AGRN: variants seen among roughly 807,000 people sequenced by gnomAD.
AGRN encodes the protein agrin.
In AGRN, 106 loss-of-function variants were observed where a neutral mutation model predicts 211.0. The observed-to-expected ratio is 0.50, with a 90% CI of 0.43 to 0.59. The LOEUF (loss-of-function observed/expected upper bound fraction) is 0.59. Among genes scored for constraint, AGRN ranks in the 20% least tolerant of loss-of-function variants. AGRN has a pLI of 0.00. For synonymous variants in AGRN, 1,525 were observed against 1,332.5 expected (o/e 1.14, Z -3.15); for missense variants, 3,040 against 2,982.6 (o/e 1.02, Z -0.45).
intron 2 of AGRN, among the ~76,000 whole-genome samples, chr1:1,024,339 C>T (rs1378935555): frequency 1.3e-5 from 2 of 152,024 alleles, no homozygotes; most frequent in Admixed American, 6.5e-5. Flanking sequence ...GGTCCATCTC[C>T]TGCTCTGTAG....
chr1:1,045,782 G>A lies in AGRN; in HGVS notation c.2586G>A (p.Met862Ile). The A allele has an allele frequency of 6.2e-7, 1 of 1,613,374 alleles. No individual in the cohort carries two copies. Among genetic ancestry groups the A allele is most frequent in the Non-Finnish European group, 8.5e-7 (1 of 1,179,958 alleles). ...QGAVRDDCEQ[M>I]TGLCSCKPGV... ...CCGTGCGGGATGACTGTGAGCAGAT[G>A]ACGGGGCTGTGCTCGTGTAAGCCCG... The change falls in exon 15 of 36, where the codon ATG (methionine) becomes ATA (isoleucine). Residue 862 changes from methionine (M) to isoleucine (I), a missense_variant. Met to Ile is a conservative substitution (Grantham distance 10). Transcript: ENST00000379370.
At chr1:1,034,729 C>T in intron 2 of AGRN, 1 of 1,000,376 alleles carries the variant, frequency 1.0e-6, no homozygotes, top group African/African-American at 1.7e-5. Context: ...CGGGGCGTCG[C>T]ACTGGCCAAG....
intron 33 of AGRN, chr1:1,052,226 A>G (rs1242933039): frequency 2.4e-6 from 1 of 419,194 alleles, no homozygotes; most frequent in South Asian, 1.9e-5. Flanking sequence ...CCCACAGCCA[A>G]CCCCCACCAC....
intron 1 of AGRN, among the ~76,000 whole-genome samples, 185 bp from the exon 2 acceptor site, chr1:1,022,016 A>G (rs1226063639): frequency 1.3e-5 from 2 of 152,242 alleles, no homozygotes; most frequent in African/African-American, 2.4e-5. Context: ...GCGTTCCCGC[A>G]TGGGCTGTGG....
Position 1,044,330 on chromosome 1 carries a change from C to A in AGRN, c.2149-4C>A, listed in dbSNP as rs557551535. ...CGGCCGCTCACACTGACACCACCCT[C>A]CAGGTGTGCGGCTCAGATGGGGTCA... On this transcript the variant is annotated splice_polypyrimidine_tract_variant and splice_region_variant and intron_variant, in intron 11 of 35. Transcript: ENST00000379370. The A allele has an allele frequency of 6.2e-7, 1 of 1,612,624 alleles. No homozygotes were observed.
chr1:1,030,164 G>A (rs1644629580), intron 2 of AGRN, among the ~76,000 whole-genome samples: 1 of 59,886 alleles, frequency 1.7e-5, no homozygotes, highest in Non-Finnish European at 3.5e-5. Context: ...TGTGTGTGCA[G>A]TGCATGGTGC....
chr1:1,048,349 C>A lies in AGRN; in HGVS notation c.4089C>A (p.Gly1363=), dbSNP rs1453910543. ...FTCSCPAGRG[G]AVCEKVLGAP... ...GCAGCTGCCCGGCAGGCAGGGGAGGCGCCGTCTGTGAGAAGGGTAAGGATG... is the reference window on the plus strand; with the variant it reads ...GCAGCTGCCCGGCAGGCAGGGGAGGAGCCGTCTGTGAGAAGGGTAAGGATG... The change falls in exon 23 of 36, where the codon GGC becomes GGA. Residue 1363 remains glycine (G), a synonymous_variant. Transcript: ENST00000379370. The surrounding 1 kb of genome is among the most constrained non-coding windows in gnomAD (Gnocchi z 5.9). 3.4e-6 allele frequency: 5 copies of A among 1,465,644 alleles called. No individual in the cohort carries two copies. The highest frequency in any genetic ancestry group is 2.5e-5 in the East Asian group (1 of 40,514). 90.8% of individuals were successfully genotyped at this position (1,465,644 alleles called of 1,614,324 possible).
intron 19 of AGRN, 145 bp from the exon 20 acceptor site, chr1:1,047,182 C>A: frequency 4.3e-6 from 6 of 1,407,260 alleles, no homozygotes; most frequent in Non-Finnish European, 5.7e-6. Flanking sequence ...ACCAGCCCCA[C>A]CCTGGGGTCC....
chr1:1,025,133 A>G (rs1457705481), intron 2 of AGRN, among the ~76,000 whole-genome samples: 1 of 152,134 alleles, frequency 6.6e-6, no homozygotes, highest in Non-Finnish European at 1.5e-5. Flanking sequence ...CCCTGCTAGG[A>G]GCCAGGAGCA....
Position 1,050,280 on chromosome 1 carries a change from T to C in AGRN, c.4927T>C (p.Phe1643Leu). ...GCCCTTCCTGGCTGACTTCAACGGC[T>C]TCTCCCACCTGGAGCTGAGAGGCCT... The part of the protein sequence containing the change: ...SGPFLADFNG[F>L]SHLELRGLHT... Residue 1643 changes from phenylalanine to leucine, a missense_variant, in exon 28 of 36, where the codon TTC (phenylalanine) becomes CTC (leucine). By Grantham distance (22) the Phe-to-Leu change is conservative. Around this residue, in one of 3 missense-constraint regions of AGRN, gnomAD observed 1,537 missense variants for 1,505.0 expected, o/e 1.02. Coordinates refer to ENST00000379370, the MANE Select transcript of AGRN (RefSeq NM_198576.4). 1 of 1,612,950 alleles carries C rather than the reference T, an allele frequency of 6.2e-7. No individual in the cohort carries two copies.
At chr1:1,035,651 G>A (rs1231847292) in intron 3 of AGRN, among the ~76,000 whole-genome samples, 1 of 152,258 alleles carries the variant, frequency 6.6e-6, no homozygotes, top group African/African-American at 2.4e-5. Context: ...GTCCGGTCAG[G>A]GGGCTCCGCT....
chr1:1,049,863 T>A (rs1250594273), intron 26 of AGRN, 40 bp from the exon 27 acceptor site: 4 of 1,611,066 alleles, frequency 2.5e-6, no homozygotes, highest in South Asian at 1.1e-5. Flanking sequence ...AACCGACGCC[T>A]CCTGGGACCT....
chr1:1,028,589 C>G (rs1296984356), intron 2 of AGRN, among the ~76,000 whole-genome samples: 6 of 125,544 alleles, frequency 4.8e-5, no homozygotes, highest in Non-Finnish European at 3.5e-5. Context: ...AGCCCCAGCC[C>G]CTCGTGGGCC....
At chr1:1,027,829 C>G (rs943069780) in intron 2 of AGRN, among the ~76,000 whole-genome samples, 3 of 152,178 alleles carry the variant, frequency 2.0e-5, no homozygotes, top group Admixed American at 1.3e-4. Context: ...CCTCCCTGCC[C>G]CGCCGTTTGG....
chr1:1,035,209 G>C, intron 2 of AGRN, 68 bp from the exon 3 acceptor site: 1 of 1,567,338 alleles, frequency 6.4e-7, no homozygotes, highest in South Asian at 1.1e-5. Flanking sequence ...TTTCCAGGCT[G>C]GGCAAAGGGA....
At chr1:1,052,156 G>C in intron 33 of AGRN, 1 of 1,116,370 alleles carries the variant, frequency 9.0e-7, no homozygotes, top group Non-Finnish European at 1.2e-6. Context: ...TTGGCTGCAA[G>C]AGGCCGTTTC....
rs1447300005 is a variant in AGRN, at chr1:1,044,089, T to C, written c.2000-20T>C. The C allele has an allele frequency of 6.2e-7, 1 of 1,613,106 alleles. No individual in the cohort carries two copies. Among genetic ancestry groups the C allele is most frequent in the South Asian group, 1.1e-5 (1 of 91,076 alleles). Reference sequence around the variant, plus strand: ...TTTGGACAAGAAGCCCCTGGGTGACTCTGCTCCCCTTCCCCGCAGCCGAGT... The same window carrying C: ...TTTGGACAAGAAGCCCCTGGGTGACCCTGCTCCCCTTCCCCGCAGCCGAGT... On this transcript the variant is annotated intron_variant, in intron 10 of 35. Transcript: ENST00000379370.
At position 1,040,671 on chromosome 1, in the gene AGRN, G is replaced by C; in HGVS notation, c.518G>C (p.Arg173Pro). The C allele has an allele frequency of 6.5e-7, 1 of 1,547,602 alleles. No individual in the cohort carries two copies. The highest frequency in any genetic ancestry group is 8.7e-7 in the Non-Finnish European group (1 of 1,146,420). Residue 173 changes from arginine to proline, a missense_variant, in exon 4 of 36, where the codon CGG becomes CCG. Around this residue, in one of 3 missense-constraint regions of AGRN, gnomAD observed 1,498 missense variants for 1,457.8 expected, o/e 1.03. Transcript: ENST00000379370. ...TCTCCCCTACCCGCCCCAGCGTGCC[G>C]GGGAATGCTGTGCGGCTTCGGCGCC... ...PVPPTPPDAC[R>P]GMLCGFGAVC...
chr1:1,045,182 C>T lies in AGRN; in HGVS notation c.2276C>T (p.Pro759Leu), dbSNP rs1214623286. ...GCAGGCCCCACCTTCGCCCCGCTGC[C>T]GCCTGTGGCCCCCTTACACTGTGCC... ...ACRGPTFAPL[P>L]PVAPLHCAQT... is the part of the protein sequence containing the mutation. Residue 759 changes from proline to leucine, a missense_variant, in exon 13 of 36, where the codon CCG becomes CTG. Pro to Leu is a moderately conservative substitution (Grantham distance 98). Around this residue, in one of 3 missense-constraint regions of AGRN, gnomAD observed 1,498 missense variants for 1,457.8 expected, o/e 1.03. Coordinates refer to ENST00000379370, the MANE Select transcript of AGRN (RefSeq NM_198576.4). 17 of 1,612,514 alleles carry T rather than the reference C, an allele frequency of 1.1e-5. No homozygotes were observed. The highest frequency in any genetic ancestry group is 1.7e-5 in the Admixed American group (1 of 60,020).
Sources: allele counts gnomAD v4.1 joint callset (sites outside exome capture counted in the v4.1 genomes callset), GRCh38; gene constraint gnomAD v4.1.1; regional missense constraint gnomAD v4.1.1; non-coding constraint Gnocchi (gnomAD v3.1); transcripts MANE v1.5; gene names NCBI Gene and HGNC (gene_info 2026-07-23, HGNC 2026-07-21).